The following ADAM18 variants were observed in gnomAD, a reference collection of about 807,000 sequenced individuals.
The protein encoded by ADAM18 is disintegrin and metalloproteinase domain-containing protein 18.
A neutral mutation model predicts 94.4 loss-of-function variants in ADAM18; 117 were observed. The ratio of observed to expected loss-of-function variants is 1.24; its 90% CI spans 1.07 to 1.45. ADAM18 has a LOEUF of 1.45. Ranked by LOEUF, ADAM18 falls within the 40% of genes most tolerant of loss-of-function variation. The pLI is 0.00. For missense variants in ADAM18, 936 were observed against 880.0 expected (o/e 1.06, Z -0.81); for synonymous variants, 327 against 291.6 (o/e 1.12, Z -1.24).
chr8:39,703,802 A>T (rs1485242497), intron 17 of ADAM18, among the ~76,000 whole-genome samples: 1 of 152,090 alleles, frequency 6.6e-6, no homozygotes, highest in African/African-American at 2.4e-5. Context: ...ATTATAAGAT[A>T]AATAGACCAC....
At chr8:39,700,127 G>A (rs1339431159) in intron 17 of ADAM18, among the ~76,000 whole-genome samples, 5 of 152,046 alleles carry the variant, frequency 3.3e-5, no homozygotes, top group African/African-American at 9.7e-5. Context: ...AAGTGCTTGC[G>A]TATTCTAGAA....
intron 17 of ADAM18, among the ~76,000 whole-genome samples, chr8:39,694,700 C>T (rs1821874819): frequency 6.6e-6 from 1 of 151,474 alleles, no homozygotes; most frequent in Non-Finnish European, 1.5e-5. Flanking sequence ...CTCTCTGCTT[C>T]CCCTATTATT....
chr8:39,600,506 T>G (rs1191552055), intron 2 of ADAM18, among the ~76,000 whole-genome samples: 1 of 152,246 alleles, frequency 6.6e-6, no homozygotes, highest in East Asian at 1.9e-4. Context: ...TTATTTCATC[T>G]TGGTGGATTG....
intron 17 of ADAM18, among the ~76,000 whole-genome samples, chr8:39,697,580 C>T (rs1381321080): frequency 6.6e-6 from 1 of 151,688 alleles, no homozygotes; most frequent in Non-Finnish European, 1.5e-5. Context: ...TTTCTACAGT[C>T]AACATTTATT....
At position 39,677,514 on chromosome 8, in the gene ADAM18, C is replaced by T; in HGVS notation, c.1609C>T (p.Gln537Ter). The change falls in exon 15 of 20, where the codon CAA becomes TAA. Residue 537 changes from glutamine to a stop codon, truncating the protein, a stop_gained. Coordinates refer to ENST00000265707, the MANE Select transcript of ADAM18 (RefSeq NM_014237.3). LOFTEE classifies it high-confidence loss of function. ...RSENCGFKNS[Q>*]PLPCERKDVL... Reference sequence around the variant, plus strand: ...TGAAAACTGTGGTTTTAAAAATTCACAACCATTACCTTGTGAACGGAAGTA... The same window carrying T: ...TGAAAACTGTGGTTTTAAAAATTCATAACCATTACCTTGTGAACGGAAGTA... 1.2e-6 allele frequency: 2 copies of T among 1,607,624 alleles called. No individual in the cohort carries two copies. The highest frequency in any genetic ancestry group is 1.3e-5 in the African/African-American group (1 of 74,710).
rs536891086 is a variant in ADAM18 at position 39,687,714 on chromosome 8, A to T, written c.1822-4886A>T. ...TTAGCTCCCACTTATAAGTGAGAAC[A>T]TGCAGTATTTAGTTTTCTGTTCCTG... is the stretch of plus-strand genomic sequence containing the variant. On this transcript the variant is annotated intron_variant, in intron 16 of 19. Coordinates refer to ENST00000265707, the MANE Select transcript of ADAM18 (RefSeq NM_014237.3). Among the ~76,000 whole-genome samples the T allele has an allele frequency of 4.5e-4, 68 of 152,320 alleles. No homozygotes were observed. The South Asian group carries it at 0.014, about 31-fold the overall frequency.
chr8:39,687,541 C>T (rs1821639977), intron 16 of ADAM18, among the ~76,000 whole-genome samples: 1 of 152,128 alleles, frequency 6.6e-6, no homozygotes, highest in Non-Finnish European at 1.5e-5. Context: ...GACACTGAGG[C>T]TTGGTGTACA....
chr8:39,656,891 A>G (rs1563293669), intron 12 of ADAM18, among the ~76,000 whole-genome samples: 1 of 152,192 alleles, frequency 6.6e-6, no homozygotes, highest in Non-Finnish European at 1.5e-5. Context: ...ATGGCGAAAA[A>G]GAAAAAAATT....
intron 17 of ADAM18, among the ~76,000 whole-genome samples, chr8:39,694,549 T>A (rs191918303): frequency 6.6e-6 from 1 of 151,690 alleles, no homozygotes; most frequent in Admixed American, 6.6e-5. Flanking sequence ...ATCAAGGTTA[T>A]GCTATTTTGG....
chr8:39,601,774 A>C (rs1818909940), intron 2 of ADAM18, among the ~76,000 whole-genome samples: 1 of 152,148 alleles, frequency 6.6e-6, no homozygotes, highest in Non-Finnish European at 1.5e-5. Context: ...AAATCTCTAG[A>C]ATTTTTTTAT....
chr8:39,720,647 G>A (rs1486508758), intron 18 of ADAM18, among the ~76,000 whole-genome samples: 1 of 151,270 alleles, frequency 6.6e-6, no homozygotes, highest in Non-Finnish European at 1.5e-5. Flanking sequence ...TTTGCCTCAT[G>A]GGGTTTACAT....
intron 4 of ADAM18, 57 bp from the exon 5 acceptor site, chr8:39,609,428 A>C: frequency 8.5e-7 from 1 of 1,176,906 alleles, no homozygotes; most frequent in Middle Eastern, 1.9e-4. Context: ...CATGTTTGAC[A>C]ATACATTTTT....
intron 2 of ADAM18, among the ~76,000 whole-genome samples, chr8:39,593,779 C>T (rs913898668): frequency 3.9e-5 from 6 of 152,140 alleles, no homozygotes; most frequent in African/African-American, 1.4e-4. Context: ...ATGCCTTTCT[C>T]ATTCTCTGAT....
At chr8:39,587,094 A>T (rs1180517595) in intron 2 of ADAM18, among the ~76,000 whole-genome samples, 3 of 152,202 alleles carry the variant, frequency 2.0e-5, no homozygotes, top group Non-Finnish European at 2.9e-5. Flanking sequence ...AAAATTGCAC[A>T]TATCTAACGT....
intron 12 of ADAM18, among the ~76,000 whole-genome samples, chr8:39,663,086 C>T (rs1193289575): frequency 6.6e-6 from 1 of 152,016 alleles, no homozygotes; most frequent in Non-Finnish European, 1.5e-5. Context: ...AATTGGAATC[C>T]TTAGTAAACA....
chr8:39,593,574 A>G (rs1243074510), intron 2 of ADAM18, among the ~76,000 whole-genome samples: 2 of 152,170 alleles, frequency 1.3e-5, no homozygotes, highest in Non-Finnish European at 2.9e-5. Flanking sequence ...GAGAACAGAG[A>G]GCCCAGAAAT....
intron 6 of ADAM18, among the ~76,000 whole-genome samples, chr8:39,622,235 CATTGATTA>C (rs901046611): frequency 3.5e-4 from 53 of 150,654 alleles, no homozygotes; most frequent in Admixed American, 3.1e-3. Context: ...ATTATATTCT[CATTGATTA>C]AAAACAGCAT....
chr8:39,598,868 G>A (rs555137232), intron 2 of ADAM18, among the ~76,000 whole-genome samples: 5 of 151,572 alleles, frequency 3.3e-5, no homozygotes, highest in African/African-American at 9.7e-5. Context: ...CTGGAGTGCC[G>A]TGGTGCGATC....
intron 7 of ADAM18, among the ~76,000 whole-genome samples, chr8:39,631,513 T>C (rs1036126246): frequency 6.6e-6 from 1 of 152,142 alleles, no homozygotes; most frequent in Admixed American, 6.6e-5. Flanking sequence ...GCCTATTCCT[T>C]AGGTTGCTGT....
Sources: allele counts gnomAD v4.1 joint callset (sites outside exome capture counted in the v4.1 genomes callset), GRCh38; gene constraint gnomAD v4.1.1; transcripts MANE v1.5; gene names NCBI Gene and HGNC (gene_info 2026-07-23, HGNC 2026-07-21).